The following FRAS1 variants were observed in gnomAD, a reference collection of about 807,000 sequenced individuals.
FRAS1 encodes Fraser extracellular matrix complex subunit 1.
Under a neutral mutation model 435.2 loss-of-function variants are expected in FRAS1, and 290 were observed. The ratio of observed to expected loss-of-function variants is 0.67; its 90% CI spans 0.61 to 0.73. FRAS1 has a LOEUF of 0.73. Among genes scored for constraint, FRAS1 ranks in the 30% least tolerant of loss-of-function variants. The pLI is 0.00. For missense variants in FRAS1, 4,860 were observed against 5,001.5 expected, an observed-to-expected ratio of 0.97 and a Z score of 0.85; for synonymous variants, 1,800 against 1,851.0, an observed-to-expected ratio of 0.97 and a Z score of 0.71.
At chr4:78,371,873 T>A (rs1731526948) in intron 23 of FRAS1, among the ~76,000 whole-genome samples, 1 of 152,192 alleles carries the variant, frequency 6.6e-6, no homozygotes, top group Admixed American at 6.5e-5. Context: ...AGCAACATGT[T>A]TTCCTGTGCC....
intron 64 of FRAS1, 114 bp from the exon 65 acceptor site, chr4:78,513,278 A>T: frequency 1.0e-6 from 1 of 997,770 alleles, no homozygotes; most frequent in South Asian, 1.5e-5. Context: ...CTTCAGGAAG[A>T]AAAAAAAATG....
chr4:78,122,372 A>G (rs1719080926), intron 2 of FRAS1, among the ~76,000 whole-genome samples: 1 of 152,122 alleles, frequency 6.6e-6, no homozygotes, highest in African/African-American at 2.4e-5. Context: ...AATCTAGTCT[A>G]TCACTGATGG....
chr4:78,389,038 C>G (rs1009273760), intron 29 of FRAS1, among the ~76,000 whole-genome samples: 1 of 152,142 alleles, frequency 6.6e-6, no homozygotes, highest in Non-Finnish European at 1.5e-5. Context: ...CATAACCATT[C>G]TACAACATTT....
In FRAS1 at chr4:78,277,117, G is replaced by C. The variant is rs1306855690; in HGVS notation, c.982-1538G>C. Among the ~76,000 whole-genome samples the C allele has an allele frequency of 7.2e-5, 11 of 152,224 alleles. No individual in the cohort carries two copies. The East Asian group carries it at 7.7e-4, about 11-fold the overall frequency. On this transcript the variant is annotated intron_variant, in intron 9 of 73. Coordinates refer to ENST00000512123, the MANE Select transcript of FRAS1 (RefSeq NM_025074.7). ...GTGAGCATGGGACCCTCCGAGCCAG[G>C]CGTGGGATATAATCTCCTGGTGTGC...
intron 32 of FRAS1, among the ~76,000 whole-genome samples, chr4:78,414,396 G>A (rs1452415272): frequency 1.3e-5 from 2 of 152,212 alleles, no homozygotes; most frequent in African/African-American, 4.8e-5. Flanking sequence ...AAGTCACTTA[G>A]CCTTTAGGCG....
chr4:78,438,538 G>A (rs371758589), intron 38 of FRAS1, 32 bp from the exon 39 acceptor site: 72 of 1,612,284 alleles, frequency 4.5e-5, no homozygotes, highest in African/African-American at 5.3e-5. Context: ...GCAAATGTGC[G>A]TTCATGTCCT....
chr4:78,117,335 T>C (rs1037030012), intron 2 of FRAS1, among the ~76,000 whole-genome samples: 7 of 152,198 alleles, frequency 4.6e-5, no homozygotes, highest in Non-Finnish European at 1.0e-4. Flanking sequence ...TCGAGGAATA[T>C]CTTTGTGGCG....
intron 6 of FRAS1, among the ~76,000 whole-genome samples, chr4:78,257,273 T>C (rs1004143848): frequency 6.6e-6 from 1 of 152,150 alleles, no homozygotes; most frequent in African/African-American, 2.4e-5. Context: ...ATGCTACTAC[T>C]CCCAGAATAA....
intron 15 of FRAS1, among the ~76,000 whole-genome samples, chr4:78,311,505 G>A (rs1179382672): frequency 6.6e-6 from 1 of 152,066 alleles, no homozygotes; most frequent in African/African-American, 2.4e-5. Context: ...TTCTCCATCT[G>A]CATCACTAGA....
At chr4:78,363,384 C>G (rs1427788049) in intron 20 of FRAS1, 129 bp from the exon 21 acceptor site, 1 of 886,840 alleles carries the variant, frequency 1.1e-6, no homozygotes, top group East Asian at 2.7e-5. Context: ...ATATACACTG[C>G]CTTTGGGCTA....
chr4:78,071,875 C>G (rs1283321982), intron 2 of FRAS1: 1 of 152,122 alleles, frequency 6.6e-6, no homozygotes, highest in Non-Finnish European at 1.5e-5. Flanking sequence ...TGGAAGCTTA[C>G]TGGAGTACTT....
chr4:78,209,629 G>A (rs1723419797), intron 2 of FRAS1, among the ~76,000 whole-genome samples: 1 of 152,126 alleles, frequency 6.6e-6, no homozygotes. Flanking sequence ...TCCCCAGTTG[G>A]AGTGAGCCAT....
chr4:78,151,732 C>G (rs1720672411), intron 2 of FRAS1, among the ~76,000 whole-genome samples: 1 of 152,022 alleles, frequency 6.6e-6, no homozygotes, highest in Non-Finnish European at 1.5e-5. Flanking sequence ...TGCAGACTTA[C>G]AAAAGAAAAA....
intron 9 of FRAS1, among the ~76,000 whole-genome samples, chr4:78,276,870 A>C (rs1200205112): frequency 6.6e-6 from 1 of 152,166 alleles, no homozygotes; most frequent in African/African-American, 2.4e-5. Flanking sequence ...AACTATGCAG[A>C]GGTTTCTGCT....
At chr4:78,536,512 C>A (rs2109907654) in intron 71 of FRAS1, among the ~76,000 whole-genome samples, 1 of 152,254 alleles carries the variant, frequency 6.6e-6, no homozygotes, top group East Asian at 1.9e-4. Context: ...TGACCTTCAG[C>A]AAATCACTTA....
Position 78,318,965 on chromosome 4 carries a change from G to C in FRAS1, c.2116G>C (p.Glu706Gln). 1 of 1,613,794 alleles carries C rather than the reference G, an allele frequency of 6.2e-7. No individual in the cohort carries two copies. Among genetic ancestry groups the C allele is most frequent in the Non-Finnish European group, 8.5e-7 (1 of 1,179,836 alleles). The change falls in exon 18 of 74, where the codon GAG (glutamate) becomes CAG (glutamine). Residue 706 changes from glutamate (E) to glutamine (Q), a missense_variant. Coordinates refer to ENST00000512123, the MANE Select transcript of FRAS1 (RefSeq NM_025074.7). ...CCAGTGTAGAGCCCATTTTTACTTG[G>C]AGAGCACTGGCATATGTGAAGGTAA... ...LAQCRAHFYL[E>Q]STGICEACHQ...
chr4:78,474,642 G>A (rs1245734755), intron 53 of FRAS1, among the ~76,000 whole-genome samples: 2 of 152,116 alleles, frequency 1.3e-5, no homozygotes, highest in Admixed American at 6.5e-5. Context: ...AATGGACTAA[G>A]TGGTATAGAC....
At chr4:78,417,503 A>G (rs1578310831) in intron 32 of FRAS1, among the ~76,000 whole-genome samples, 2 of 152,314 alleles carry the variant, frequency 1.3e-5, no homozygotes, top group Middle Eastern at 3.4e-3. Flanking sequence ...TATATAGGGC[A>G]TATAGTTTTA....
chr4:78,191,722 T>C (rs1311028956), intron 2 of FRAS1, among the ~76,000 whole-genome samples: 1 of 151,658 alleles, frequency 6.6e-6, no homozygotes, highest in Non-Finnish European at 1.5e-5. Flanking sequence ...CCCCGGTGTG[T>C]GATGTTCCCC....
Sources: allele counts gnomAD v4.1 joint callset (sites outside exome capture counted in the v4.1 genomes callset), GRCh38; gene constraint gnomAD v4.1.1; transcripts MANE v1.5; gene names NCBI Gene and HGNC (gene_info 2026-07-23, HGNC 2026-07-21).